Variants in ITPR2 observed in about 807,000 individuals in gnomAD.
The protein encoded by ITPR2 is inositol 1,4,5-trisphosphate-gated calcium channel ITPR2.
Under a neutral mutation model 317.1 loss-of-function variants are expected in ITPR2, and 207 were observed. The ratio of observed to expected loss-of-function variants is 0.65; its 90% confidence interval spans 0.58 to 0.73. The LOEUF (loss-of-function observed/expected upper bound fraction) is 0.73. ITPR2 is among the 30% of genes least tolerant of loss of function. The pLI is 0.00. For missense variants in ITPR2, 2,613 were observed against 3,284.0 expected (o/e 0.80, Z 4.99); for synonymous variants, 1,156 against 1,149.1 (o/e 1.01, Z -0.12).
intron 21 of ITPR2, among the ~76,000 whole-genome samples, chr12:26,635,736 T>A (rs1416076615): frequency 6.6e-6 from 1 of 152,206 alleles, no homozygotes; most frequent in Admixed American, 6.5e-5. Flanking sequence ...CATCCCAGCT[T>A]AGCAGCTCCT....
At chr12:26,798,268 C>G (rs1372759536) in intron 1 of ITPR2, among the ~76,000 whole-genome samples, 3 of 152,184 alleles carry the variant, frequency 2.0e-5, no homozygotes, top group Non-Finnish European at 4.4e-5. Flanking sequence ...ATGCTAGTTA[C>G]TGAACTTCAC....
chr12:26,522,884 A>C (rs570198888), intron 37 of ITPR2, among the ~76,000 whole-genome samples: 1 of 152,380 alleles, frequency 6.6e-6, no homozygotes, highest in South Asian at 2.1e-4. Flanking sequence ...CTACAGTTCA[A>C]GACTGTTTTA....
chr12:26,483,938 T>C (rs558235962), intron 41 of ITPR2, 40 bp from the exon 42 acceptor site: 2 of 1,528,824 alleles, frequency 1.3e-6, no homozygotes, highest in South Asian at 2.2e-5. Context: ...GTTACAAAAA[T>C]TCACTGTGCT....
At chr12:26,393,709 A>T (rs1050603889) in intron 54 of ITPR2, among the ~76,000 whole-genome samples, 5 of 152,236 alleles carry the variant, frequency 3.3e-5, no homozygotes, top group African/African-American at 1.2e-4. Flanking sequence ...ATAAACATGA[A>T]GCTTCTAGAA....
chr12:26,393,754 T>C (rs1939915191), intron 54 of ITPR2, among the ~76,000 whole-genome samples: 1 of 152,236 alleles, frequency 6.6e-6, no homozygotes, highest in Admixed American at 6.5e-5. Flanking sequence ...TCTTTGTGCA[T>C]CCTGCAATGT....
intron 50 of ITPR2, among the ~76,000 whole-genome samples, chr12:26,418,813 G>A (rs991423771): frequency 3.3e-5 from 5 of 152,076 alleles, no homozygotes; most frequent in Admixed American, 6.6e-5. Flanking sequence ...CAAGAGGTGG[G>A]GTGACTGGTT....
rs1946131072 is a variant in ITPR2 at position 26,606,490 on chromosome 12, G to GAAAT, written c.3463-3785_3463-3784insATTT. 4.7e-5 allele frequency among the ~76,000 whole-genome samples: 7 copies of GAAAT among 150,518 alleles called. 1 individual carries two copies. The South Asian group carries it at 1.3e-3, about 27-fold the overall frequency. ...ATAGTCTAGAAATTGGGTGGCATCA[G>GAAAT]GGTTCTAGGCAGAGAAACAAAGAGT... is the stretch of plus-strand genomic sequence containing the variant. On this transcript the variant is annotated intron_variant, in intron 26 of 56. Transcript: ENST00000381340.
At chr12:26,819,499 T>C (rs2137288814) in intron 1 of ITPR2, among the ~76,000 whole-genome samples, 1 of 152,382 alleles carries the variant, frequency 6.6e-6, no homozygotes, top group East Asian at 1.9e-4. Context: ...CCCTATTCTA[T>C]CTTTCTAAAG....
rs1229779091 is a variant in ITPR2, at chr12:26,699,895, T to A, written c.952-4245A>T. Among the ~76,000 whole-genome samples the A allele has an allele frequency of 3.3e-5, 5 of 152,200 alleles. No individual in the cohort carries two copies. In the East Asian group the frequency reaches 9.6e-4, roughly 29 times the overall value. On this transcript the variant is annotated intron_variant, in intron 9 of 56. Coordinates refer to ENST00000381340, the MANE Select transcript of ITPR2 (RefSeq NM_002223.4). Reference sequence around the variant, plus strand: ...AAGACATGGTCATATGGAGGTCTTTTAGGACTTAATGTCTTTATGTTAAAA... The same window carrying A: ...AAGACATGGTCATATGGAGGTCTTTAAGGACTTAATGTCTTTATGTTAAAA...
At chr12:26,631,558 G>T (rs1203014897) in intron 22 of ITPR2, among the ~76,000 whole-genome samples, 1 of 152,106 alleles carries the variant, frequency 6.6e-6, no homozygotes, top group Non-Finnish European at 1.5e-5. Flanking sequence ...TCAAATGAAG[G>T]TAAAGTTCCA....
chr12:26,821,628 C>A (rs146714706), intron 1 of ITPR2, among the ~76,000 whole-genome samples: 171 of 152,288 alleles, frequency 1.1e-3, no homozygotes, highest in African/African-American at 3.3e-3. Context: ...CTGTTCCTCA[C>A]CAACAAAGAA....
At chr12:26,663,270 A>G (rs959872398) in intron 15 of ITPR2, among the ~76,000 whole-genome samples, 4 of 151,988 alleles carry the variant, frequency 2.6e-5, no homozygotes, top group Admixed American at 2.6e-4. Context: ...CCATAACTCT[A>G]TCTTTTCTCT....
intron 34 of ITPR2, among the ~76,000 whole-genome samples, chr12:26,566,510 G>C (rs776502609): frequency 7.1e-6 from 1 of 141,840 alleles, no homozygotes; most frequent in South Asian, 2.4e-4. Flanking sequence ...AGGAGGAAGA[G>C]GAGGAAGAGG....
intron 34 of ITPR2, among the ~76,000 whole-genome samples, chr12:26,576,236 T>C (rs1945272115): frequency 1.3e-5 from 2 of 152,164 alleles, no homozygotes; most frequent in African/African-American, 4.8e-5. Flanking sequence ...TAGCAGAAAT[T>C]ACATAAAAGT....
intron 38 of ITPR2, 128 bp from the exon 39 acceptor site, chr12:26,494,468 T>A: frequency 1.6e-6 from 1 of 620,776 alleles, no homozygotes. Context: ...CCTACAAAGT[T>A]AAATATAATA....
chr12:26,489,141 A>G (rs1276436621), intron 39 of ITPR2, among the ~76,000 whole-genome samples: 2 of 152,216 alleles, frequency 1.3e-5, no homozygotes, highest in Non-Finnish European at 2.9e-5. Flanking sequence ...TTTCATATAT[A>G]TTTATATAAT....
At chr12:26,614,479 A>G (rs7314603) in intron 26 of ITPR2, among the ~76,000 whole-genome samples, 130,840 of 152,172 alleles carry the variant, frequency 0.86, 56,492 homozygotes, top group East Asian at 0.96. Context: ...TCAACCCCAG[A>G]ACTAAGGTCA....
chr12:26,460,129 C>T (rs1941980449), intron 45 of ITPR2, among the ~76,000 whole-genome samples: 1 of 152,210 alleles, frequency 6.6e-6, no homozygotes, highest in African/African-American at 2.4e-5. Flanking sequence ...CTCCCTGCCC[C>T]TGGGATACAG....
In ITPR2 at chr12:26,605,318, G is replaced by C. The variant is rs967054348; in HGVS notation, c.3463-2612C>G. ...TTGATGAGAAGTAGAAACTGCAAAAGCTAAAAATATAATTAGATTTCCTTT... is the reference window on the plus strand; with the variant it reads ...TTGATGAGAAGTAGAAACTGCAAAACCTAAAAATATAATTAGATTTCCTTT... On this transcript the variant is annotated intron_variant, in intron 26 of 56. Coordinates refer to ENST00000381340, the MANE Select transcript of ITPR2 (RefSeq NM_002223.4). 4.6e-5 allele frequency among the ~76,000 whole-genome samples: 7 copies of C among 151,752 alleles called. 1 individual carries two copies. The highest frequency in any genetic ancestry group is 4.4e-5 in the Non-Finnish European group (3 of 67,936).
Sources: allele counts gnomAD v4.1 joint callset (sites outside exome capture counted in the v4.1 genomes callset), GRCh38; gene constraint gnomAD v4.1.1; transcripts MANE v1.5; gene names NCBI Gene and HGNC (gene_info 2026-07-23, HGNC 2026-07-21).